The following FAM178B variants were observed in gnomAD, a reference collection of about 807,000 sequenced individuals.
FAM178B encodes the protein family with sequence similarity 178 member B, also known as protein FAM178B.
In FAM178B, 82 loss-of-function variants were observed where a neutral mutation model predicts 91.7. The observed-to-expected ratio is 0.89, with a 90% confidence interval of 0.75 to 1.07. The LOEUF (loss-of-function observed/expected upper bound fraction) is 1.07. Ranked by LOEUF, FAM178B falls within the 50% of genes least tolerant of loss-of-function variation. FAM178B has a pLI of 0.00. For missense variants in FAM178B, 769 were observed against 846.7 expected, an observed-to-expected ratio of 0.91 and a Z score of 1.14; for synonymous variants, 368 against 359.4, an observed-to-expected ratio of 1.02 and a Z score of -0.27.
chr2:96,925,098 C>T (rs151099254), intron 9 of FAM178B, among the ~76,000 whole-genome samples: 5 of 152,162 alleles, frequency 3.3e-5, no homozygotes, highest in East Asian at 3.9e-4. Flanking sequence ...GCTGGGCCTG[C>T]GCCAGTACGT....
chr2:96,963,230 C>T (rs1288874393), intron 5 of FAM178B, among the ~76,000 whole-genome samples: 1 of 152,226 alleles, frequency 6.6e-6, no homozygotes, highest in Admixed American at 6.5e-5. Context: ...GGAAGAATTA[C>T]TCTTGCTGCA....
chr2:96,909,142 CAAAA>C (rs368745154), intron 12 of FAM178B, among the ~76,000 whole-genome samples: 4 of 77,396 alleles, frequency 5.2e-5, no homozygotes, highest in Non-Finnish European at 5.4e-5. Context: ...GACTCTGTCT[CAAAA>C]AAAAAAAAAA....
In FAM178B at chr2:96,982,583, G is replaced by T. The variant is rs12620989; in HGVS notation, c.73+3658C>A. ...TGGCCTAATTTATTTATTTATTTTT[G>T]TTAGAGACAGAGTCTGTCTCTGTCA... On this transcript the variant is annotated intron_variant, in intron 1 of 16. Transcript: ENST00000490605. Among the ~76,000 whole-genome samples the T allele has an allele frequency of 3.3e-3, 503 of 151,382 alleles. 4 individuals carry two copies. Among genetic ancestry groups the T allele is most frequent in the East Asian group, 0.025 (127 of 5,112 alleles).
chr2:96,945,597 C>T (rs2081814675), intron 8 of FAM178B, among the ~76,000 whole-genome samples: 1 of 152,156 alleles, frequency 6.6e-6, no homozygotes, highest in South Asian at 2.1e-4. Flanking sequence ...AGGGAGGCAG[C>T]CCCAGTCTAT....
intron 8 of FAM178B, among the ~76,000 whole-genome samples, chr2:96,934,500 G>T (rs1217870589): frequency 6.6e-6 from 1 of 152,116 alleles, no homozygotes; most frequent in Non-Finnish European, 1.5e-5. Flanking sequence ...ACCAAAGGGA[G>T]CCAGGTCCTC....
At chr2:96,964,843 C>T (rs2082124703) in intron 5 of FAM178B, among the ~76,000 whole-genome samples, 1 of 152,114 alleles carries the variant, frequency 6.6e-6, no homozygotes, top group Admixed American at 6.5e-5. Context: ...CCACTCTGGG[C>T]CAGCAGCCTG....
At chr2:96,889,738 C>T (rs1337399615) in intron 14 of FAM178B, among the ~76,000 whole-genome samples, 2 of 146,296 alleles carry the variant, frequency 1.4e-5, no homozygotes, top group African/African-American at 5.1e-5. Flanking sequence ...AAAAATAGAG[C>T]ATCAGTAGAG....
intron 7 of FAM178B, among the ~76,000 whole-genome samples, chr2:96,950,942 G>A (rs2081915723): frequency 6.6e-6 from 1 of 152,114 alleles, no homozygotes. Context: ...CCCTCCCGCT[G>A]CGTATGGGAT....
chr2:96,939,659 CAG>C (rs1281303223), intron 8 of FAM178B, among the ~76,000 whole-genome samples: 2 of 152,120 alleles, frequency 1.3e-5, no homozygotes, highest in Non-Finnish European at 2.9e-5. Flanking sequence ...GGTCGCAGCA[CAG>C]AGAGTCAGAG....
At chr2:96,894,140 G>C in intron 13 of FAM178B, 89 bp from the exon 14 acceptor site, 1 of 1,482,158 alleles carries the variant, frequency 6.7e-7, no homozygotes, top group Non-Finnish European at 9.1e-7. Flanking sequence ...CACCTCAGCT[G>C]GTGGCAGTGT....
intron 7 of FAM178B, among the ~76,000 whole-genome samples, chr2:96,949,365 A>T (rs2081887156): frequency 6.6e-6 from 1 of 152,154 alleles, no homozygotes; most frequent in Non-Finnish European, 1.5e-5. Flanking sequence ...TTGACTGGAC[A>T]AGGGGACCAC....
At chr2:96,973,057 A>T (rs955146893) in intron 1 of FAM178B, among the ~76,000 whole-genome samples, 3 of 151,888 alleles carry the variant, frequency 2.0e-5, no homozygotes. Context: ...AAAATAAAAA[A>T]AATTAGCCGG....
chr2:96,980,328 G>A (rs571541989), intron 1 of FAM178B, among the ~76,000 whole-genome samples: 2 of 151,902 alleles, frequency 1.3e-5, no homozygotes, highest in East Asian at 1.9e-4. Context: ...CTCCCACCTC[G>A]GCCTCCCAAA....
chr2:96,887,909 T>G (rs763852628), intron 14 of FAM178B, among the ~76,000 whole-genome samples: 1 of 152,204 alleles, frequency 6.6e-6, no homozygotes, highest in Non-Finnish European at 1.5e-5. Flanking sequence ...GCCAAGGCCC[T>G]GAGCAAAAGC....
At chr2:96,906,995 C>A (rs1160006106) in intron 12 of FAM178B, among the ~76,000 whole-genome samples, 6 of 152,170 alleles carry the variant, frequency 3.9e-5, no homozygotes, top group Admixed American at 3.9e-4. Context: ...AGCAGGCAGG[C>A]CGGCAAAGCA....
Position 96,951,456 on chromosome 2 carries a change from G to A in FAM178B, c.916C>T (p.Leu306=), listed in dbSNP as rs891607642. 7 of 1,551,598 alleles carry A rather than the reference G, an allele frequency of 4.5e-6. No homozygotes were observed. The Admixed American group carries it at 5.9e-5, about 13-fold the overall frequency. The change falls in exon 7 of 17, where the codon CTG becomes TTG. Residue 306 remains leucine, a synonymous_variant. Transcript: ENST00000490605. ...AGGATGTTCAGGAGGCCACTGCGCA[G>A]GAAGGAGAGCTGTTGGGCTGGCGGG... ...SSPPAQQLSF[L]RSGLLNILYL... is the part of the protein sequence containing the mutation.
intron 14 of FAM178B, among the ~76,000 whole-genome samples, chr2:96,883,307 C>T (rs1472550615): frequency 6.6e-6 from 1 of 152,248 alleles, no homozygotes; most frequent in East Asian, 1.9e-4. Context: ...CCAGGAACTT[C>T]ATCCTTTAGA....
In FAM178B at chr2:96,967,555, A is replaced by G; in HGVS notation, c.699T>C (p.Leu233=). ...QECLNLNSLD[L]DEEEVPLTPE... ...GTGTGAGTGGCACTTCCTCTTCATC[A>G]AGATCCAAGGAGTTGAGATTGAGAC... Residue 233 remains leucine (L), a synonymous_variant, in exon 5 of 17, where the codon CTT becomes CTC. Transcript: ENST00000490605. 1.3e-6 allele frequency: 2 copies of G among 1,550,608 alleles called. No individual in the cohort carries two copies.
At chr2:96,906,198 T>C (rs1329600905) in intron 12 of FAM178B, among the ~76,000 whole-genome samples, 1 of 146,440 alleles carries the variant, frequency 6.8e-6, no homozygotes, top group African/African-American at 2.5e-5. Flanking sequence ...CTTTTTCTTT[T>C]TCTTTCTTTT....
Sources: allele counts gnomAD v4.1 joint callset (sites outside exome capture counted in the v4.1 genomes callset), GRCh38; gene constraint gnomAD v4.1.1; transcripts MANE v1.5; gene names NCBI Gene and HGNC (gene_info 2026-07-23, HGNC 2026-07-21).